GALNT11: variants seen among roughly 807,000 people sequenced by gnomAD.
The protein encoded by GALNT11 is polypeptide N-acetylgalactosaminyltransferase 11, also known as UDP-GalNAc:polypeptide N-acetylgalactosaminyltransferase 11.
GALNT11 carries 47 observed loss-of-function variants against 72.7 expected under a neutral mutation model. The ratio of observed to expected loss-of-function variants is 0.65; its 90% CI spans 0.51 to 0.82. The LOEUF is 0.82. Among genes scored for constraint, GALNT11 ranks in the 40% least tolerant of loss-of-function variants. The pLI, the probability that GALNT11 is intolerant of heterozygous loss-of-function variation, is 0.00. For missense variants in GALNT11, 677 were observed against 778.4 expected (o/e 0.87, Z 1.55); for synonymous variants, 270 against 286.6 (o/e 0.94, Z 0.58).
chr7:152,101,718 C>T (rs2086927025), intron 3 of GALNT11, among the ~76,000 whole-genome samples: 1 of 151,738 alleles, frequency 6.6e-6, no homozygotes, highest in African/African-American at 2.4e-5. Context: ...ACTATAACCT[C>T]CACCTCCCAA....
chr7:152,117,670 C>A, intron 9 of GALNT11: 1 of 353,882 alleles, frequency 2.8e-6, no homozygotes, highest in Non-Finnish European at 5.1e-6. Flanking sequence ...ATGGAAGTGT[C>A]AACTTCGTGT....
chr7:152,078,428 C>T (rs759417520), intron 1 of GALNT11, among the ~76,000 whole-genome samples: 4 of 152,030 alleles, frequency 2.6e-5, no homozygotes, highest in East Asian at 1.9e-4. Flanking sequence ...CTTGAACCCC[C>T]GACCTCAGAT....
chr7:152,062,975 T>C (rs574869478), intron 1 of GALNT11, among the ~76,000 whole-genome samples: 69 of 152,292 alleles, frequency 4.5e-4, no homozygotes, highest in African/African-American at 1.6e-3. Flanking sequence ...TGATGCTGGC[T>C]TCATAAAATG....
intron 3 of GALNT11, among the ~76,000 whole-genome samples, chr7:152,102,313 G>A (rs2087006916): frequency 6.6e-6 from 1 of 152,178 alleles, no homozygotes; most frequent in East Asian, 1.9e-4. Flanking sequence ...GGAGGGCGCG[G>A]TGGGTGGATC....
At position 152,073,191 on chromosome 7, in the gene GALNT11, A is replaced by G. The variant is rs1229790219; in HGVS notation, c.-38-20999A>G. On this transcript the variant is annotated intron_variant, in intron 1 of 11. Coordinates refer to ENST00000430044, the MANE Select transcript of GALNT11 (RefSeq NM_022087.4). ...TCTCCTTATAGCTATTTGAAACTCT[A>G]CAATATGTTATTGTTAACTATAGTC... 2.0e-5 allele frequency among the ~76,000 whole-genome samples: 3 copies of G among 152,320 alleles called. No homozygotes were observed. In the East Asian group the frequency reaches 5.8e-4, roughly 29 times the overall value.
intron 1 of GALNT11, among the ~76,000 whole-genome samples, chr7:152,055,354 C>T (rs1345448510): frequency 1.3e-5 from 2 of 152,080 alleles, no homozygotes; most frequent in African/African-American, 2.4e-5. Context: ...TTATGGAATT[C>T]ATAATTTTGT....
intron 1 of GALNT11, among the ~76,000 whole-genome samples, chr7:152,055,234 T>G: frequency 6.6e-6 from 1 of 152,174 alleles, no homozygotes; most frequent in Non-Finnish European, 1.5e-5. Flanking sequence ...GGGTTAGGAC[T>G]TCAACATGAA....
intron 2 of GALNT11, among the ~76,000 whole-genome samples, chr7:152,095,575 C>T (rs2086317971): frequency 1.3e-5 from 2 of 152,128 alleles, no homozygotes; most frequent in Non-Finnish European, 2.9e-5. Flanking sequence ...CTTCAGTTTT[C>T]ATTTAAAAAT....
At chr7:152,034,372 G>A (rs937605427) in intron 1 of GALNT11, among the ~76,000 whole-genome samples, 5 of 152,162 alleles carry the variant, frequency 3.3e-5, no homozygotes, top group South Asian at 2.1e-4. Context: ...TTACAGAAAA[G>A]GTCAAGCTTC....
intron 1 of GALNT11, among the ~76,000 whole-genome samples, chr7:152,051,947 T>C: frequency 6.6e-6 from 1 of 152,206 alleles, no homozygotes; most frequent in East Asian, 1.9e-4. Flanking sequence ...TATAATTGAG[T>C]GGCATTAAGT....
At chr7:152,081,087 T>A (rs1247768704) in intron 1 of GALNT11, among the ~76,000 whole-genome samples, 1 of 152,206 alleles carries the variant, frequency 6.6e-6, no homozygotes, top group Non-Finnish European at 1.5e-5. Context: ...TTAGGATTAT[T>A]TAAGATTTTC....
At position 152,104,116 on chromosome 7, in the gene GALNT11, A is replaced by G. The variant is rs537911203; in HGVS notation, c.586+838A>G. Reference sequence around the variant, plus strand: ...AACAGGATAGAAGGCTTTTTATTACACTGCTCATTCAGCTCTCAGTGACCT... The same window carrying G: ...AACAGGATAGAAGGCTTTTTATTACGCTGCTCATTCAGCTCTCAGTGACCT... On this transcript the variant is annotated intron_variant, in intron 4 of 11. Coordinates refer to ENST00000430044, the MANE Select transcript of GALNT11 (RefSeq NM_022087.4). The G allele has an allele frequency of 3.3e-5, 5 of 152,328 alleles. No homozygotes were observed. In the South Asian group the frequency reaches 1.0e-3, roughly 32 times the overall value. The allele number at this position is 152,328 out of a possible 1,614,324, so 9.4% of individuals were successfully genotyped here.
rs35740522 is a variant in GALNT11 at position 152,088,516 on chromosome 7, GT to G, written c.-38-5660del. On this transcript the variant is annotated intron_variant, in intron 1 of 11. Transcript: ENST00000430044. Reference sequence around the variant, plus strand: ...TTTTAAAAACATGGTTGGTTTCAGGGTTTTTTTTTTTTTTAAGATTTCTGTA... The same window carrying G: ...TTTTAAAAACATGGTTGGTTTCAGGGTTTTTTTTTTTTTAAGATTTCTGTA... Among the ~76,000 whole-genome samples, 896 of 139,798 alleles carry G rather than the reference GT, an allele frequency of 6.4e-3. 4 individuals are homozygous for G. Among genetic ancestry groups the G allele is most frequent in the South Asian group, 0.014 (64 of 4,470 alleles). The allele number at this position is 139,798 out of a possible 152,430, so 91.7% of individuals were successfully genotyped here.
At chr7:152,067,757 A>G (rs771211624) in intron 1 of GALNT11, among the ~76,000 whole-genome samples, 3 of 152,194 alleles carry the variant, frequency 2.0e-5, no homozygotes, top group Middle Eastern at 3.2e-3. Context: ...CCATTCTTGC[A>G]TTACTATAAA....
At chr7:152,070,236 TC>T (rs765571039) in intron 1 of GALNT11, among the ~76,000 whole-genome samples, 5 of 152,170 alleles carry the variant, frequency 3.3e-5, no homozygotes, top group Admixed American at 1.3e-4. Context: ...GACCTCATGA[TC>T]CGCTTGCTTT....
At chr7:152,082,301 A>G (rs552424853) in intron 1 of GALNT11, among the ~76,000 whole-genome samples, 1 of 152,364 alleles carries the variant, frequency 6.6e-6, no homozygotes, top group East Asian at 1.9e-4. Flanking sequence ...CAGTTTTGCC[A>G]TGAGAGTACA....
chr7:152,072,789 C>G (rs1169184416), intron 1 of GALNT11, among the ~76,000 whole-genome samples: 8 of 152,206 alleles, frequency 5.3e-5, no homozygotes, highest in Admixed American at 5.2e-4. Context: ...AGTCAGAACA[C>G]AGCAATAGGG....
chr7:152,041,810 T>G (rs2082874536), intron 1 of GALNT11, among the ~76,000 whole-genome samples: 1 of 152,198 alleles, frequency 6.6e-6, no homozygotes, highest in South Asian at 2.1e-4. Flanking sequence ...TGAAAGTCAT[T>G]TAATGTTTTC....
chr7:152,089,772 A>G (rs1332575892), intron 1 of GALNT11, among the ~76,000 whole-genome samples: 4 of 152,256 alleles, frequency 2.6e-5, no homozygotes, highest in African/African-American at 9.6e-5. Flanking sequence ...ACAAAGAGTT[A>G]TTAGCATAAA....
Sources: allele counts gnomAD v4.1 joint callset (sites outside exome capture counted in the v4.1 genomes callset), GRCh38; gene constraint gnomAD v4.1.1; transcripts MANE v1.5; gene names NCBI Gene and HGNC (gene_info 2026-07-23, HGNC 2026-07-21).